The following RFX4 variants were observed in gnomAD, a reference collection of about 807,000 sequenced individuals.
RFX4 encodes transcription factor RFX4.
A neutral mutation model predicts 95.0 loss-of-function variants in RFX4; 10 were observed. That is an observed-to-expected ratio of 0.11 (90% CI 0.06 to 0.18). RFX4 has a LOEUF of 0.18. Among genes scored for constraint, RFX4 ranks in the 10% least tolerant of loss-of-function variants. RFX4 has a pLI of 1.00. For missense variants in RFX4, 640 were observed against 922.0 expected (o/e 0.69, Z 3.96); for synonymous variants, 321 against 340.7 (o/e 0.94, Z 0.64).
intron 13 of RFX4, among the ~76,000 whole-genome samples, chr12:106,727,101 A>T (rs897322355): frequency 2.6e-5 from 4 of 152,160 alleles, no homozygotes; most frequent in African/African-American, 9.7e-5. Context: ...GGTGAAAAAA[A>T]TTCTAAATAA....
intron 1 of RFX4, among the ~76,000 whole-genome samples, chr12:106,599,655 G>T (rs117554018): frequency 7.0e-4 from 106 of 152,244 alleles, no homozygotes; most frequent in Non-Finnish European, 1.2e-3. Flanking sequence ...TGGCTGGGGA[G>T]TGAACACAGT....
chr12:106,621,111 C>G (rs1046477627), intron 2 of RFX4, among the ~76,000 whole-genome samples: 1 of 152,284 alleles, frequency 6.6e-6, no homozygotes, highest in African/African-American at 2.4e-5. Flanking sequence ...ACAGTTAACA[C>G]AGTTATCACA....
intron 15 of RFX4, among the ~76,000 whole-genome samples, chr12:106,744,808 CA>C (rs2042863854): frequency 1.3e-5 from 2 of 152,188 alleles, no homozygotes; most frequent in South Asian, 2.1e-4. Flanking sequence ...AGTTATTTAA[CA>C]TTCTAAGTTT....
intron 4 of RFX4, among the ~76,000 whole-genome samples, chr12:106,668,913 A>G (rs1355413244): frequency 1.3e-5 from 2 of 152,212 alleles, no homozygotes; most frequent in African/African-American, 2.4e-5. Flanking sequence ...TAGGCACTAG[A>G]TAGTTGTGAT....
chr12:106,720,174 C>G lies in RFX4; in HGVS notation c.1233+120C>G. On this transcript the variant is annotated intron_variant, in intron 12 of 17. Coordinates refer to ENST00000392842, the MANE Select transcript of RFX4 (RefSeq NM_213594.3). This position sits in a 1 kb window ranked among gnomAD's most constrained non-coding sequence, Gnocchi z 4.2. Reference sequence around the variant, plus strand: ...TCTGAACAGGGTTTTGAGGAGAGGCCCCAGGAGGTGGAGGGGTCAGGAGGC... The same window carrying G: ...TCTGAACAGGGTTTTGAGGAGAGGCGCCAGGAGGTGGAGGGGTCAGGAGGC... 2 of 809,422 alleles carry G rather than the reference C, an allele frequency of 2.5e-6. No homozygotes were observed. Among genetic ancestry groups the G allele is most frequent in the Non-Finnish European group, 2.1e-6 (1 of 486,738 alleles). The allele number at this position is 809,422 out of a possible 1,614,324, so 50.1% of individuals were successfully genotyped here. A position where few individuals can be genotyped will look rare whatever the true frequency, so the allele number is the denominator to read the frequency against.
intron 1 of RFX4, among the ~76,000 whole-genome samples, chr12:106,600,964 T>C (rs2039694168): frequency 6.6e-6 from 1 of 152,264 alleles, no homozygotes; most frequent in Non-Finnish European, 1.5e-5. Context: ...CGCCACAGAA[T>C]ATAAGCTCTC....
intron 7 of RFX4, among the ~76,000 whole-genome samples, chr12:106,689,998 T>C (rs1232988578): frequency 8.5e-5 from 13 of 152,062 alleles, no homozygotes; most frequent in African/African-American, 1.4e-4. Flanking sequence ...GGGAAGACAA[T>C]GTGGTCTCTA....
chr12:106,634,671 G>C (rs1267360035), intron 2 of RFX4, among the ~76,000 whole-genome samples: 1 of 152,094 alleles, frequency 6.6e-6, no homozygotes, highest in African/African-American at 2.4e-5. Flanking sequence ...GACATAATCT[G>C]TCAGGTCCCC....
chr12:106,667,506 T>A (rs1276158337), intron 4 of RFX4, among the ~76,000 whole-genome samples: 1 of 152,180 alleles, frequency 6.6e-6, no homozygotes, highest in Non-Finnish European at 1.5e-5. Context: ...TCTCTCAATA[T>A]TGTGTGGGTT....
At chr12:106,754,263 C>T (rs141450541) in intron 17 of RFX4, among the ~76,000 whole-genome samples, 13 of 152,322 alleles carry the variant, frequency 8.5e-5, no homozygotes, top group Non-Finnish European at 1.6e-4. Flanking sequence ...TTAGGAGCTC[C>T]GTCTCTTGGG....
At chr12:106,608,722 C>A in intron 1 of RFX4, 75 bp from the exon 2 acceptor site, 2 of 1,357,988 alleles carry the variant, frequency 1.5e-6, no homozygotes, top group South Asian at 1.4e-5. Flanking sequence ...TGTCTCTTCA[C>A]AAACACCCAC....
chr12:106,707,863 T>C (rs1459809564), intron 8 of RFX4, among the ~76,000 whole-genome samples: 1 of 152,216 alleles, frequency 6.6e-6, no homozygotes. Flanking sequence ...CTGGGCATAG[T>C]GGCTCACGCC....
intron 15 of RFX4, among the ~76,000 whole-genome samples, chr12:106,733,880 C>T (rs955348461): frequency 2.6e-5 from 4 of 152,164 alleles, no homozygotes; most frequent in African/African-American, 9.7e-5. Flanking sequence ...CATCAGTGTT[C>T]CTAACAGCAT....
intron 15 of RFX4, among the ~76,000 whole-genome samples, chr12:106,740,837 A>G (rs1408861456): frequency 6.6e-6 from 1 of 152,196 alleles, no homozygotes; most frequent in African/African-American, 2.4e-5. Flanking sequence ...ACAAGGTGAC[A>G]TTTATCTGAG....
chr12:106,604,190 G>A (rs1178985486), intron 1 of RFX4, among the ~76,000 whole-genome samples: 6 of 142,792 alleles, frequency 4.2e-5, no homozygotes, highest in Non-Finnish European at 6.0e-5. Flanking sequence ...GTGCAATCTC[G>A]GCTCACTGCA....
Position 106,689,275 on chromosome 12 carries a change from A to G in RFX4, c.592-12A>G. ...TATGTCTTTGTTGTTGATCCTCTAC[A>G]CACCCCCACAGGTTTCTACCTTTAT... On this transcript the variant is annotated splice_polypyrimidine_tract_variant and intron_variant, in intron 6 of 17. Transcript: ENST00000392842. 1 of 1,604,890 alleles carries G rather than the reference A, an allele frequency of 6.2e-7. No homozygotes were observed. Among genetic ancestry groups the G allele is most frequent in the Non-Finnish European group, 8.5e-7 (1 of 1,171,786 alleles).
At chr12:106,704,842 C>T (rs140056224) in intron 8 of RFX4, among the ~76,000 whole-genome samples, 56 of 151,278 alleles carry the variant, frequency 3.7e-4, no homozygotes, top group Middle Eastern at 3.4e-3. Flanking sequence ...TGTGTGTGTG[C>T]GCGTGTGTGT....
At chr12:106,596,462 G>T (rs757189289) in intron 1 of RFX4, among the ~76,000 whole-genome samples, 5 of 152,164 alleles carry the variant, frequency 3.3e-5, no homozygotes, top group Non-Finnish European at 7.3e-5. Context: ...GCATGAAAAC[G>T]TACTAATACA....
intron 8 of RFX4, among the ~76,000 whole-genome samples, chr12:106,702,465 T>A (rs2042010074): frequency 6.6e-6 from 1 of 152,186 alleles, no homozygotes; most frequent in Non-Finnish European, 1.5e-5. Context: ...ATTTGTTGGG[T>A]TGTTTCCCTT....
Sources: gnomAD v4.1 joint callset for allele counts (sites outside exome capture counted in the v4.1 genomes callset) on GRCh38, gnomAD v4.1.1 for gene constraint, Gnocchi (gnomAD v3.1) non-coding constraint, MANE v1.5 for transcripts, NCBI Gene and HGNC (gene_info 2026-07-23, HGNC 2026-07-21) for gene names.